The following SI variants were observed in gnomAD, a reference collection of about 807,000 sequenced individuals.
The protein encoded by SI is sucrase-isomaltase, also known as sucrase-isomaltase, intestinal.
In SI, 235 loss-of-function variants were observed where a neutral mutation model predicts 253.3. The observed-to-expected ratio is 0.93, with a 90% CI of 0.83 to 1.03. The LOEUF (loss-of-function observed/expected upper bound fraction) is 1.03. Ranked by LOEUF, SI falls within the 50% of genes least tolerant of loss-of-function variation. The pLI, the probability that SI is intolerant of heterozygous loss-of-function variation, is 0.00. For synonymous variants in SI, 819 were observed against 712.0 expected, an observed-to-expected ratio of 1.15 and a Z score of -2.39; for missense variants, 2,442 against 2,211.1, an observed-to-expected ratio of 1.10 and a Z score of -2.09.
At chr3:165,085,141 T>G in the SI span, among the ~76,000 whole-genome samples, 1 of 152,116 alleles carries the variant, frequency 6.6e-6, no homozygotes, top group Non-Finnish European at 1.5e-5. Flanking sequence ...TAATTTTTAA[T>G]TCTAATTCTA....
At position 165,013,015 on chromosome 3, in the gene SI, T is replaced by G; in HGVS notation, c.4027A>C (p.Ile1343Leu). 6.2e-7 allele frequency: 1 copy of G among 1,611,014 alleles called. No homozygotes were observed. The highest frequency in any genetic ancestry group is 8.5e-7 in the Non-Finnish European group (1 of 1,177,358). ...KVWPDLPNITIDKTLTEDEAV... is the reference protein window; with the variant it reads ...KVWPDLPNITLDKTLTEDEAV... ...TCATCTTCCGTTAGAGTTTTATCTA[T>G]TGTTATGTTGGGCAAATCTGGCCAA... The change falls in exon 34 of 48, where the codon ATA (isoleucine) becomes CTA (leucine). Residue 1343 changes from isoleucine to leucine, a missense_variant. Coordinates refer to ENST00000264382, the MANE Select transcript of SI (RefSeq NM_001041.4).
the SI span, among the ~76,000 whole-genome samples, chr3:165,086,127 AC>A: frequency 6.6e-6 from 1 of 151,910 alleles, no homozygotes; most frequent in Admixed American, 6.6e-5. Flanking sequence ...GGTGGTGCAC[AC>A]CTGTAATCCC....
chr3:164,979,516 A>G lies in SI; in HGVS notation c.5416-86T>C, dbSNP rs556730636. On this transcript the variant is annotated intron_variant, in intron 47 of 47. Transcript: ENST00000264382. Reference sequence around the variant, plus strand: ...AATGCTATTTCAAAAAAGTTTTCTAATAAATAGTATATACCTTTATTTTCT... The same window carrying G: ...AATGCTATTTCAAAAAAGTTTTCTAGTAAATAGTATATACCTTTATTTTCT... 2.0e-4 allele frequency: 151 copies of G among 747,186 alleles called. No homozygotes were observed. In the African/African-American group the frequency reaches 2.4e-3, roughly 12 times the overall value. The allele number at this position is 747,186 out of a possible 1,614,324, so 46.3% of individuals were successfully genotyped here. A position where few individuals can be genotyped will look rare whatever the true frequency, so the allele number is the denominator to read the frequency against.
chr3:165,020,816 A>G (rs1380020582), intron 27 of SI, among the ~76,000 whole-genome samples: 1 of 151,730 alleles, frequency 6.6e-6, no homozygotes, highest in Non-Finnish European at 1.5e-5. Flanking sequence ...TTTCACTAAT[A>G]CCTGGCAGAT....
At chr3:165,000,785 T>C (rs1056196802) in intron 37 of SI, among the ~76,000 whole-genome samples, 1 of 151,424 alleles carries the variant, frequency 6.6e-6, no homozygotes, top group Non-Finnish European at 1.5e-5. Flanking sequence ...CACAATTAAC[T>C]TAGTTTAAGT....
At chr3:165,049,376 G>T in intron 14 of SI, 132 bp from the exon 15 acceptor site, 1 of 654,428 alleles carries the variant, frequency 1.5e-6, no homozygotes, top group South Asian at 1.9e-5. Flanking sequence ...CAATGACAAA[G>T]GACAATCCAA....
chr3:165,043,730 C>A (rs1012754058), intron 16 of SI, among the ~76,000 whole-genome samples: 1 of 151,936 alleles, frequency 6.6e-6, no homozygotes, highest in Admixed American at 6.6e-5. Context: ...CATTTACAAA[C>A]ATTTCTTTAT....
intron 6 of SI, among the ~76,000 whole-genome samples, chr3:165,065,640 C>T (rs1373455675): frequency 6.6e-6 from 1 of 150,630 alleles, no homozygotes; most frequent in African/African-American, 2.4e-5. Context: ...CAATTTTTGC[C>T]AATATCTTTC....
intron 37 of SI, among the ~76,000 whole-genome samples, chr3:165,001,323 GAAAACTCAAAGATATTTTA>G (rs1273414427): frequency 1.3e-4 from 19 of 151,196 alleles, no homozygotes; most frequent in African/African-American, 2.4e-5. Context: ...ACAACTCTTT[GAAAACTCAAAGATATTTTA>G]TTGAATTATT....
Position 165,032,614 on chromosome 3 carries a change from CAAGGATTT to C in SI, c.2636_2643del (p.Lys879ArgfsTer10), listed in dbSNP as rs1461489544. On this transcript the variant is annotated frameshift_variant, in exon 24 of 48. Coordinates refer to ENST00000264382, the MANE Select transcript of SI (RefSeq NM_001041.4). LOFTEE classifies it high-confidence loss of function. ...ACTTCTGTAACACTGTCTGTCAACC[CAAGGATTT>C]TTACAGTCTGAAATGCTAAGGTAGT... 3 of 1,608,778 alleles carry C rather than the reference CAAGGATTT, an allele frequency of 1.9e-6. No individual in the cohort carries two copies. Among genetic ancestry groups the C allele is most frequent in the Non-Finnish European group, 2.6e-6 (3 of 1,176,398 alleles).
At chr3:164,984,406 A>C (rs1717341057) in intron 45 of SI, among the ~76,000 whole-genome samples, 1 of 152,164 alleles carries the variant, frequency 6.6e-6, no homozygotes, top group Non-Finnish European at 1.5e-5. Context: ...ATTACAAGAC[A>C]TATTAGTGTC....
At chr3:165,003,155 A>G (rs545872861) in intron 37 of SI, among the ~76,000 whole-genome samples, 73 of 152,010 alleles carry the variant, frequency 4.8e-4, no homozygotes, top group Non-Finnish European at 6.8e-4. Context: ...TTTACTAAGC[A>G]TCCACAATGT....
chr3:164,988,191 T>C (rs1717533207), intron 44 of SI, among the ~76,000 whole-genome samples: 1 of 152,176 alleles, frequency 6.6e-6, no homozygotes, highest in South Asian at 2.1e-4. Context: ...CCTTTTCTAA[T>C]CACAAATGTT....
At chr3:165,002,857 T>C (rs1487863473) in intron 37 of SI, among the ~76,000 whole-genome samples, 1 of 151,810 alleles carries the variant, frequency 6.6e-6, no homozygotes, top group African/African-American at 2.4e-5. Context: ...CCAATTAATC[T>C]ACTCAATTTA....
At chr3:165,055,903 A>C (rs952083705) in intron 12 of SI, among the ~76,000 whole-genome samples, 1 of 152,108 alleles carries the variant, frequency 6.6e-6, no homozygotes, top group Non-Finnish European at 1.5e-5. Flanking sequence ...ATGCCCAGAG[A>C]AGTTAAGTAA....
At position 164,982,418 on chromosome 3, in the gene SI, TAAAGAA is replaced by T. The variant is rs1445825993; in HGVS notation, c.5248-14_5248-9del. The T allele has an allele frequency of 1.9e-6, 3 of 1,598,380 alleles. No individual in the cohort carries two copies. The highest frequency in any genetic ancestry group is 1.7e-6 in the Non-Finnish European group (2 of 1,167,242). ...AGTGCTTGTTAAGGTGGTCTATAAA[TAAAGAA>T]AAAGGAATAACATAAACACTTTATT... On this transcript the variant is annotated splice_polypyrimidine_tract_variant and intron_variant, in intron 46 of 47. Transcript: ENST00000264382.
At chr3:165,017,726 T>A (rs1411076562) in intron 30 of SI, 35 bp downstream of exon 30, 3 of 1,594,150 alleles carry the variant, frequency 1.9e-6, no homozygotes, top group East Asian at 2.3e-5. Context: ...GCTATAAAAA[T>A]TTTTAATTTT....
chr3:165,064,784 T>C (rs1400419276), intron 7 of SI, among the ~76,000 whole-genome samples: 1 of 152,036 alleles, frequency 6.6e-6, no homozygotes, highest in Non-Finnish European at 1.5e-5. Context: ...TAAGTTTCAG[T>C]AGTTACCAAA....
At chr3:165,028,612 T>G (rs111310840) in intron 25 of SI, among the ~76,000 whole-genome samples, 1 of 151,246 alleles carries the variant, frequency 6.6e-6, no homozygotes, top group Non-Finnish European at 1.5e-5. Context: ...TGGAACAGAA[T>G]AGAGAACCCA....
Sources: allele counts gnomAD v4.1 joint callset (sites outside exome capture counted in the v4.1 genomes callset), GRCh38; gene constraint gnomAD v4.1.1; transcripts MANE v1.5; gene names NCBI Gene and HGNC (gene_info 2026-07-23, HGNC 2026-07-21).